CSF3R: variants seen among roughly 807,000 people sequenced by gnomAD.
The protein encoded by CSF3R is colony stimulating factor 3 receptor.
CSF3R carries 52 observed loss-of-function variants against 84.4 expected under a neutral mutation model. The ratio of observed to expected loss-of-function variants is 0.62; its 90% confidence interval spans 0.49 to 0.78. CSF3R has a LOEUF of 0.78. CSF3R is among the 30% of genes least tolerant of loss of function. CSF3R has a pLI of 0.00. For synonymous variants in CSF3R, 384 were observed against 429.1 expected (o/e 0.89, Z 1.30); for missense variants, 890 against 1,055.7 (o/e 0.84, Z 2.17).
At chr1:36,471,717 G>C (rs2124119741) in intron 9 of CSF3R, 71 bp from the exon 10 acceptor site, 2 of 1,503,776 alleles carry the variant, frequency 1.3e-6, no homozygotes, top group African/African-American at 1.4e-5. Context: ...CCTCTAGGTG[G>C]GGTGGATGGA....
intron 3 of CSF3R, 69 bp downstream of exon 3, chr1:36,479,364 A>C: frequency 2.7e-6 from 4 of 1,471,966 alleles, no homozygotes; most frequent in Non-Finnish European, 3.8e-6. Flanking sequence ...TGGCAGTGCA[A>C]GGAAATTCCC....
intron 12 of CSF3R, chr1:36,468,728 A>G (rs3917993): frequency 0.21 from 43,277 of 209,108 alleles, 4,791 homozygotes; most frequent in African/African-American, 0.27. Flanking sequence ...TTGTTTGTTT[A>G]TTTATTTATT....
rs367706643 is a variant in CSF3R, at chr1:36,466,177, T to A, written c.*180A>T. 1.2e-6 allele frequency: 2 copies of A among 1,614,144 alleles called. No individual in the cohort carries two copies. Among genetic ancestry groups the A allele is most frequent in the African/African-American group, 1.3e-5 (1 of 75,022 alleles). On this transcript the variant is annotated 3_prime_UTR_variant, in exon 17 of 17. Transcript: ENST00000373106. This position sits in a 1 kb window ranked among gnomAD's most constrained non-coding sequence, Gnocchi z 4.6. The stretch of plus-strand genomic sequence containing the variant: ...GGAGCATGATCTGGTCCTTAAAGTA[T>A]GCAGATCGCCTGGGAGGCCCAGCCT...
intron 9 of CSF3R, 122 bp downstream of exon 9, chr1:36,471,944 A>G (rs1650771210): frequency 1.0e-6 from 1 of 987,614 alleles, no homozygotes; most frequent in African/African-American, 1.6e-5. Context: ...AAGTGCATGC[A>G]AATCACATAT....
Position 36,467,443 on chromosome 1 carries a change from C to T in CSF3R, c.1958+115G>A. On this transcript the variant is annotated intron_variant, in intron 15 of 16. Transcript: ENST00000373106. This position sits in a 1 kb window ranked among gnomAD's most constrained non-coding sequence, Gnocchi z 4.1. ...AGAAGAAGCTGGGGGCTGGGACTCT[C>T]AGACATGGGCCCCAAAGTTTGGGAA... The T allele has an allele frequency of 7.1e-7, 1 of 1,412,820 alleles. No homozygotes were observed. The highest frequency in any genetic ancestry group is 2.0e-4 in the Middle Eastern group (1 of 4,986). The allele number at this position is 1,412,820 out of a possible 1,614,324, so 87.5% of individuals were successfully genotyped here. A position where few individuals can be genotyped will look rare whatever the true frequency, so the allele number is the denominator to read the frequency against.
At position 36,468,079 on chromosome 1, in the gene CSF3R, G is replaced by A. The variant is rs1650457514; in HGVS notation, c.1719C>T (p.Ser573=). The A allele has an allele frequency of 1.2e-6, 2 of 1,614,136 alleles. No individual in the cohort carries two copies. The highest frequency in any genetic ancestry group is 1.6e-4 in the Middle Eastern group (1 of 6,084). The change falls in exon 13 of 17, where the codon TCC becomes TCT. Residue 573 remains serine (S), a synonymous_variant. Transcript: ENST00000373106. The part of the protein sequence containing the change: ...TIFWTNAQNQ[S]FSAILNASSR... ...GGGAACTGAGGATAGACTCACAGAA[G>A]GACTGGTTCTGAGCGTTGGTCCAGA...
chr1:36,471,776 C>T (rs547783028), intron 9 of CSF3R, 130 bp from the exon 10 acceptor site: 5 of 906,302 alleles, frequency 5.5e-6, no homozygotes, highest in Non-Finnish European at 8.5e-6. Flanking sequence ...TCTCACCCCC[C>T]TCCCCTTTTC....
chr1:36,469,813 A>C lies in CSF3R; in HGVS notation c.1313T>G (p.Met438Arg), dbSNP rs1279545396. The C allele has an allele frequency of 6.2e-7, 1 of 1,614,064 alleles. No individual in the cohort carries two copies. Among genetic ancestry groups the C allele is most frequent in the South Asian group, 1.1e-5 (1 of 91,080 alleles). ...CCAGAGGCTGTGAGGGTCTCGGGCC[A>C]TGGCATGGAGTCTGGTCAGAGCTGG... ...RGPALTRLHA[M>R]ARDPHSLWVG... is the part of the protein sequence containing the mutation. The change falls in exon 11 of 17, where the codon ATG becomes AGG. Residue 438 changes from methionine (M) to arginine (R), a missense_variant. Physicochemically the swap from Met to Arg is moderately conservative, Grantham distance 91 (BLOSUM62 -1). Coordinates refer to ENST00000373106, the MANE Select transcript of CSF3R (RefSeq NM_000760.4).
chr1:36,474,390 CTTTTTTTT>C (rs911099378), intron 4 of CSF3R, among the ~76,000 whole-genome samples: 2 of 86,262 alleles, frequency 2.3e-5, no homozygotes, highest in African/African-American at 5.1e-5. Context: ...ATTACTGGTG[CTTTTTTTT>C]TTTTTTTTTT....
In CSF3R at chr1:36,471,505, C is replaced by G; in HGVS notation, c.1213G>C (p.Glu405Gln). The stretch of plus-strand genomic sequence containing the variant: ...GAGTTATAGGCCACAAGGGCCACCT[C>G]CTGGGCTTCTGAAGGCAGGTGGAAG... ...CTFHLPSEAQ[E>Q]VALVAYNSAG... Residue 405 changes from glutamate to glutamine, a missense_variant, in exon 10 of 17, where the codon GAG (glutamate) becomes CAG (glutamine). By Grantham distance (29) the Glu-to-Gln change is conservative. Coordinates refer to ENST00000373106, the MANE Select transcript of CSF3R (RefSeq NM_000760.4). 1 of 1,614,232 alleles carries G rather than the reference C, an allele frequency of 6.2e-7. No individual in the cohort carries two copies. Among genetic ancestry groups the G allele is most frequent in the South Asian group, 1.1e-5 (1 of 91,086 alleles).
intron 13 of CSF3R, 46 bp downstream of exon 13, chr1:36,468,029 C>A (rs771860087): frequency 1.2e-6 from 2 of 1,614,238 alleles, no homozygotes; most frequent in Non-Finnish European, 1.7e-6. Context: ...CTGAGCACCC[C>A]CTTCCAGGCC....
rs769882569 is a variant in CSF3R, at chr1:36,472,169, A to G, written c.998-30T>C. 5 of 1,613,948 alleles carry G rather than the reference A, an allele frequency of 3.1e-6. No homozygotes were observed. Among genetic ancestry groups the G allele is most frequent in the South Asian group, 1.1e-5 (1 of 91,084 alleles). ...GGATGGAACAAGAAGAGGGGGTGCC[A>G]GTTGGGGAGGGGCCTGGGGCCTGGA... On this transcript the variant is annotated intron_variant, in intron 8 of 16. Transcript: ENST00000373106. This position sits in a 1 kb window ranked among gnomAD's most constrained non-coding sequence, Gnocchi z 5.0.
Position 36,472,172 on chromosome 1 carries a change from T to TG in CSF3R, c.998-34dup, listed in dbSNP as rs1650793112. The TG allele has an allele frequency of 6.2e-7, 1 of 1,613,870 alleles. No homozygotes were observed. On this transcript the variant is annotated intron_variant, in intron 8 of 16. Coordinates refer to ENST00000373106, the MANE Select transcript of CSF3R (RefSeq NM_000760.4). This position sits in a 1 kb window ranked among gnomAD's most constrained non-coding sequence, Gnocchi z 5.0. ...TGGAACAAGAAGAGGGGGTGCCAGT[T>TG]GGGGAGGGGCCTGGGGCCTGGACTG...
In CSF3R at chr1:36,466,393, G is replaced by C. The variant is rs1184650275; in HGVS notation, c.2475C>G (p.Ile825Met). 1.2e-6 allele frequency: 2 copies of C among 1,613,400 alleles called. No individual in the cohort carries two copies. Among genetic ancestry groups the C allele is most frequent in the Non-Finnish European group, 1.7e-6 (2 of 1,179,996 alleles). The change falls in exon 17 of 17, where the codon ATC becomes ATG. Residue 825 changes from isoleucine (I) to methionine (M), a missense_variant. By Grantham distance (10) the Ile-to-Met change is conservative. Transcript: ENST00000373106. The surrounding 1 kb of genome is among the most constrained non-coding windows in gnomAD (Gnocchi z 4.6). ...CCAGCGCCTCCATCCCATGGACCCG[G>C]ATCCCCTGCAGGAGGGGGAAGTTGA... The part of the protein sequence containing the change: ...PLLNFPLLQG[I>M]RVHGMEALGS...
chr1:36,467,539 G>C lies in CSF3R; in HGVS notation c.1958+19C>G. On this transcript the variant is annotated intron_variant, in intron 15 of 16. Coordinates refer to ENST00000373106, the MANE Select transcript of CSF3R (RefSeq NM_000760.4). The surrounding 1 kb of genome is among the most constrained non-coding windows in gnomAD (Gnocchi z 4.1). ...GTGGGTGGGGGAAGCAGGATCTCAG[G>C]TCTCTCAAAGGGACTCACTTGGGGC... The C allele has an allele frequency of 6.2e-7, 1 of 1,610,674 alleles. No individual in the cohort carries two copies. The highest frequency in any genetic ancestry group is 8.5e-7 in the Non-Finnish European group (1 of 1,177,068).
At chr1:36,475,322 A>G in intron 4 of CSF3R, 55 bp downstream of exon 4, 2 of 1,598,834 alleles carry the variant, frequency 1.3e-6, no homozygotes, top group Admixed American at 1.7e-5. Context: ...TATTCTTATT[A>G]GTATTGGCAG....
intron 1 of CSF3R, among the ~76,000 whole-genome samples, chr1:36,482,557 TC>T (rs1651597949): frequency 6.6e-6 from 1 of 152,078 alleles, no homozygotes; most frequent in South Asian, 2.1e-4. Flanking sequence ...ATTATGCCTG[TC>T]CCCAGCCCAG....
Position 36,472,548 on chromosome 1 carries a change from T to A in CSF3R, c.812A>T (p.Lys271Met). 1 of 1,614,188 alleles carries A rather than the reference T, an allele frequency of 6.2e-7. No individual in the cohort carries two copies. Among genetic ancestry groups the A allele is most frequent in the Non-Finnish European group, 8.5e-7 (1 of 1,180,028 alleles). The change falls in exon 7 of 17, where the codon AAG becomes ATG. Residue 271 changes from lysine (K) to methionine (M), a missense_variant. Coordinates refer to ENST00000373106, the MANE Select transcript of CSF3R (RefSeq NM_000760.4). The surrounding 1 kb of genome is among the most constrained non-coding windows in gnomAD (Gnocchi z 5.0). ...HINQKCELRH[K>M]PQRGEASWAL... is the part of the protein sequence containing the mutation. ...CCAGCTGGCTTCTCCACGCTGCGGC[T>A]TGTGGCGCAGCTCACACTTCTGATT...
chr1:36,468,052 G>T (rs1482993756), intron 13 of CSF3R, 23 bp downstream of exon 13: 2 of 1,614,244 alleles, frequency 1.2e-6, no homozygotes, highest in Admixed American at 3.3e-5. Context: ...CTGGGGCTGT[G>T]GGGGAACTGA....
Sources: gnomAD v4.1 joint callset for allele counts (sites outside exome capture counted in the v4.1 genomes callset) on GRCh38, gnomAD v4.1.1 for gene constraint, Gnocchi (gnomAD v3.1) non-coding constraint, MANE v1.5 for transcripts, NCBI Gene and HGNC (gene_info 2026-07-23, HGNC 2026-07-21) for gene names.